Variants in CLSTN1 observed in about 807,000 individuals in gnomAD.
CLSTN1 encodes calsyntenin-1.
In CLSTN1, 28 loss-of-function variants were observed where a neutral mutation model predicts 108.3. The observed-to-expected ratio is 0.26, with a 90% CI of 0.19 to 0.35. CLSTN1 has a LOEUF of 0.35. CLSTN1 is among the 10% of genes least tolerant of loss of function. The pLI is 1.00. For missense variants in CLSTN1, 1,157 were observed against 1,302.6 expected (o/e 0.89, Z 1.72); for synonymous variants, 524 against 534.9 (o/e 0.98, Z 0.28).
intron 1 of CLSTN1, among the ~76,000 whole-genome samples, chr1:9,777,387 G>A (rs1653007030): frequency 6.6e-6 from 1 of 151,506 alleles, no homozygotes; most frequent in Non-Finnish European, 1.5e-5. Flanking sequence ...GCTGGGCGTG[G>A]TGGCACACAC....
intron 1 of CLSTN1, among the ~76,000 whole-genome samples, chr1:9,798,126 G>C (rs1300377305): frequency 1.5e-5 from 2 of 133,066 alleles, no homozygotes; most frequent in Non-Finnish European, 3.2e-5. Context: ...GAGAGGGAGA[G>C]AGGGGAAGAG....
At chr1:9,755,055 G>C in intron 4 of CLSTN1, 59 bp downstream of exon 4, 3 of 1,468,858 alleles carry the variant, frequency 2.0e-6, no homozygotes, top group Non-Finnish European at 2.8e-6. Context: ...TACTATTTTC[G>C]TTCTGCGCAC....
At chr1:9,791,160 A>G (rs1325212331) in intron 1 of CLSTN1, among the ~76,000 whole-genome samples, 1 of 150,938 alleles carries the variant, frequency 6.6e-6, no homozygotes, top group Non-Finnish European at 1.5e-5. Flanking sequence ...AAAAAAAAAA[A>G]AAGATGGAAT....
At chr1:9,774,860 CACGCTAAA>C in intron 1 of CLSTN1, among the ~76,000 whole-genome samples, 1 of 152,162 alleles carries the variant, frequency 6.6e-6, no homozygotes, top group Admixed American at 6.5e-5. Flanking sequence ...TTCTTGATTA[CACGCTAAA>C]CGAAGGGTGG....
intron 1 of CLSTN1, among the ~76,000 whole-genome samples, chr1:9,791,770 G>A (rs1019789969): frequency 2.0e-5 from 3 of 151,082 alleles, no homozygotes; most frequent in South Asian, 2.2e-4. Flanking sequence ...CTGACCTTAA[G>A]TGATCCGCCT....
At chr1:9,737,656 G>C (rs953675983) in intron 10 of CLSTN1, 102 bp from the exon 11 acceptor site, 36 of 1,017,844 alleles carry the variant, frequency 3.5e-5, no homozygotes, top group Non-Finnish European at 5.2e-5. Context: ...TATAAAACAT[G>C]AAGAGAAAAT....
In CLSTN1 at chr1:9,730,773, T is replaced by C; in HGVS notation, c.2749-68A>G. ...ACAGCCCCGTCACCTGGCATTCTCC[T>C]CTCGACAGCCACAGAGGAAGGAGAA... On this transcript the variant is annotated intron_variant, in intron 18 of 18. Transcript: ENST00000377298. The surrounding 1 kb of genome is among the most constrained non-coding windows in gnomAD (Gnocchi z 5.6). 1 of 1,421,144 alleles carries C rather than the reference T, an allele frequency of 7.0e-7. No individual in the cohort carries two copies. The highest frequency in any genetic ancestry group is 2.0e-5 in the Admixed American group (1 of 50,704). The allele number at this position is 1,421,144 out of a possible 1,614,324, so 88.0% of individuals were successfully genotyped here.
At chr1:9,777,806 C>T (rs1191366471) in intron 1 of CLSTN1, among the ~76,000 whole-genome samples, 1 of 152,118 alleles carries the variant, frequency 6.6e-6, no homozygotes, top group Non-Finnish European at 1.5e-5. Flanking sequence ...ACAGTGCAGC[C>T]TAAGAGGATG....
intron 1 of CLSTN1, among the ~76,000 whole-genome samples, chr1:9,791,377 G>A (rs966281142): frequency 2.6e-5 from 4 of 151,218 alleles, no homozygotes; most frequent in South Asian, 2.2e-4. Context: ...CGAGTAGCTG[G>A]GGAGCCACCA....
At chr1:9,735,271 C>A in intron 13 of CLSTN1, 97 bp from the exon 14 acceptor site, 2 of 1,427,912 alleles carry the variant, frequency 1.4e-6, no homozygotes, top group South Asian at 1.2e-5. Context: ...GAGGCCCCCA[C>A]TAACACCTGC....
At chr1:9,750,619 G>C (rs1400690198) in intron 5 of CLSTN1, among the ~76,000 whole-genome samples, 2 of 151,068 alleles carry the variant, frequency 1.3e-5, no homozygotes, top group African/African-American at 2.5e-5. Context: ...GGCTGTGGCG[G>C]GAGGATCCCG....
chr1:9,735,758 G>A, intron 12 of CLSTN1, 127 bp downstream of exon 12: 1 of 1,495,262 alleles, frequency 6.7e-7, no homozygotes, highest in Non-Finnish European at 9.1e-7. Context: ...TAAGTCCAGT[G>A]AACACAACTC....
At position 9,823,849 on chromosome 1, in the gene CLSTN1, G is replaced by T; in HGVS notation, c.-116C>A. ...TGCTCCGCGGCGCGGGGAGCTCCGG[G>T]GGTCCAAGGAGGAGCCGCCGCCGCC... On this transcript the variant is annotated 5_prime_UTR_variant, in exon 1 of 19. Coordinates refer to ENST00000377298, the MANE Select transcript of CLSTN1 (RefSeq NM_001009566.3). This position sits in a 1 kb window ranked among gnomAD's most constrained non-coding sequence, Gnocchi z 6.3. 2 of 404,898 alleles carry T rather than the reference G, an allele frequency of 4.9e-6. No homozygotes were observed. Among genetic ancestry groups the T allele is most frequent in the South Asian group, 9.6e-5 (1 of 10,390 alleles). 25.1% of individuals were successfully genotyped at this position (404,898 alleles called of 1,614,324 possible).
At position 9,730,267 on chromosome 1, in the gene CLSTN1, C is replaced by T. The variant is rs543279645; in HGVS notation, c.*241G>A. Reference sequence around the variant, plus strand: ...CCTGAGGCGCTGGGAGGCCCCTGTGCGAGCCGGATGGCGGCCAGAGAGGAC... The same window carrying T: ...CCTGAGGCGCTGGGAGGCCCCTGTGTGAGCCGGATGGCGGCCAGAGAGGAC... On this transcript the variant is annotated 3_prime_UTR_variant, in exon 19 of 19. Coordinates refer to ENST00000377298, the MANE Select transcript of CLSTN1 (RefSeq NM_001009566.3). This position sits in a 1 kb window ranked among gnomAD's most constrained non-coding sequence, Gnocchi z 5.6. 15 of 573,116 alleles carry T rather than the reference C, an allele frequency of 2.6e-5. No homozygotes were observed. The highest frequency in any genetic ancestry group is 1.8e-4 in the South Asian group (9 of 49,360). 35.5% of individuals were successfully genotyped at this position (573,116 alleles called of 1,614,324 possible).
chr1:9,813,708 A>G (rs2101330003), intron 1 of CLSTN1, among the ~76,000 whole-genome samples: 1 of 152,278 alleles, frequency 6.6e-6, no homozygotes, highest in South Asian at 2.1e-4. Flanking sequence ...AAGCCACTTA[A>G]TAGACAACCT....
chr1:9,798,249 A>G (rs923381107), intron 1 of CLSTN1, among the ~76,000 whole-genome samples: 2 of 152,312 alleles, frequency 1.3e-5, no homozygotes, highest in South Asian at 2.1e-4. Context: ...TACATCCAAA[A>G]GAACTGAAAA....
At chr1:9,809,661 C>T (rs1005145021) in intron 1 of CLSTN1, among the ~76,000 whole-genome samples, 2 of 151,870 alleles carry the variant, frequency 1.3e-5, no homozygotes. Flanking sequence ...TTAGCATTTT[C>T]GGAGGCCTGG....
chr1:9,799,294 CTAAGCTG>C (rs951298666), intron 1 of CLSTN1, among the ~76,000 whole-genome samples: 2 of 152,134 alleles, frequency 1.3e-5, no homozygotes, highest in African/African-American at 4.8e-5. Flanking sequence ...GTAGGAAAAC[CTAAGCTG>C]TAATCGACAA....
rs1419920869 is a variant in CLSTN1 at position 9,804,372 on chromosome 1, A to AG, written c.91+19270_91+19271insC. ...GAGAGACTCCATCTCAAAAAAAAAA[A>AG]AAAAAAAAAGGCGAGGGTAATAATC... On this transcript the variant is annotated intron_variant, in intron 1 of 18. Transcript: ENST00000377298. 3.3e-5 allele frequency among the ~76,000 whole-genome samples: 5 copies of AG among 151,612 alleles called. No individual in the cohort carries two copies. In the East Asian group the frequency reaches 9.7e-4, roughly 29 times the overall value.
Sources: gnomAD v4.1 joint callset for allele counts (sites outside exome capture counted in the v4.1 genomes callset) on GRCh38, gnomAD v4.1.1 for gene constraint, Gnocchi (gnomAD v3.1) non-coding constraint, MANE v1.5 for transcripts, NCBI Gene and HGNC (gene_info 2026-07-23, HGNC 2026-07-21) for gene names.